PLEKHA5: variants seen among roughly 807,000 people sequenced by gnomAD.
PLEKHA5 encodes pleckstrin homology domain-containing family A member 5.
A neutral mutation model predicts 181.9 loss-of-function variants in PLEKHA5; 55 were observed. That is an observed-to-expected ratio of 0.30 (90% CI 0.24 to 0.38). The LOEUF (loss-of-function observed/expected upper bound fraction) is 0.38. PLEKHA5 is among the 10% of genes least tolerant of loss of function. The pLI, the probability that PLEKHA5 is intolerant of heterozygous loss-of-function variation, is 1.00. For synonymous variants in PLEKHA5, 535 were observed against 529.4 expected (o/e 1.01, Z -0.15); for missense variants, 1,432 against 1,549.5 (o/e 0.92, Z 1.27).
rs117083095 is a variant in PLEKHA5 at position 19,375,046 on chromosome 12, G to A, written c.*12-485G>A. On this transcript the variant is annotated intron_variant, in intron 31 of 31. Transcript: ENST00000429027. ...TTACATTATGTTTCCTTGTGGGGCC[G>A]GGTATAGTGGCTCATGCCTGTAATC... Among the ~76,000 whole-genome samples, 1,196 of 149,454 alleles carry A rather than the reference G, an allele frequency of 8.0e-3. 7 individuals carry two copies. Among genetic ancestry groups the A allele is most frequent in the Middle Eastern group, 0.036 (10 of 274 alleles).
chr12:19,153,561 A>C (rs1437886623), intron 3 of PLEKHA5: 1 of 152,148 alleles, frequency 6.6e-6, no homozygotes. Context: ...GACATCTTGC[A>C]CCACAGTGAT....
chr12:19,260,313 C>G (rs1332362007), intron 6 of PLEKHA5, among the ~76,000 whole-genome samples: 1 of 152,188 alleles, frequency 6.6e-6, no homozygotes, highest in Non-Finnish European at 1.5e-5. Flanking sequence ...AGAACACATG[C>G]ACTGCTGCAT....
intron 3 of PLEKHA5, among the ~76,000 whole-genome samples, chr12:19,217,455 T>C (rs1168144348): frequency 6.6e-6 from 1 of 152,190 alleles, no homozygotes; most frequent in African/African-American, 2.4e-5. Context: ...CATAAATGCT[T>C]AATAAATTTT....
At chr12:19,337,091 G>A (rs1320022640) in intron 21 of PLEKHA5, among the ~76,000 whole-genome samples, 3 of 147,914 alleles carry the variant, frequency 2.0e-5, no homozygotes, top group East Asian at 2.0e-4. Context: ...GGGTTCAAGC[G>A]ATTCTCCTGC....
At position 19,358,519 on chromosome 12, in the gene PLEKHA5, T is replaced by A. The variant is rs2153229782; in HGVS notation, c.3348+82T>A. ...GAATCAGAGTTACATGATTGATAGG[T>A]CTTAAAAGGTCTGCAGTATGGATAC... On this transcript the variant is annotated intron_variant, in intron 27 of 31. Coordinates refer to ENST00000429027, the MANE Select transcript of PLEKHA5 (RefSeq NM_001256470.2). 4 of 814,140 alleles carry A rather than the reference T, an allele frequency of 4.9e-6. No individual in the cohort carries two copies. The South Asian group carries it at 6.4e-5, about 13-fold the overall frequency. The allele number at this position is 814,140 out of a possible 1,614,324, so 50.4% of individuals were successfully genotyped here. A position where few individuals can be genotyped will look rare whatever the true frequency, so the allele number is the denominator to read the frequency against.
At chr12:19,131,537 AGAC>A (rs1406599988) in intron 2 of PLEKHA5, among the ~76,000 whole-genome samples, 1 of 152,232 alleles carries the variant, frequency 6.6e-6, no homozygotes, top group Non-Finnish European at 1.5e-5. Context: ...ATTTCATGAA[AGAC>A]GATATGACAT....
At chr12:19,297,648 A>T in intron 15 of PLEKHA5, among the ~76,000 whole-genome samples, 1 of 151,612 alleles carries the variant, frequency 6.6e-6, no homozygotes, top group East Asian at 1.9e-4. Flanking sequence ...AAAAAAAAAA[A>T]AATACAGTGC....
chr12:19,250,901 G>A (rs1407090355), intron 3 of PLEKHA5, among the ~76,000 whole-genome samples: 1 of 151,982 alleles, frequency 6.6e-6, no homozygotes, highest in Non-Finnish European at 1.5e-5. Flanking sequence ...GGGCTTGGGG[G>A]GAAAATGGAT....
At chr12:19,365,392 T>A (rs1041862878) in intron 29 of PLEKHA5, among the ~76,000 whole-genome samples, 1 of 151,808 alleles carries the variant, frequency 6.6e-6, no homozygotes, top group Non-Finnish European at 1.5e-5. Context: ...ATCTTATAAC[T>A]TTATAGAAAA....
At chr12:19,322,458 A>C in intron 19 of PLEKHA5, 60 bp from the exon 20 acceptor site, 1 of 1,581,414 alleles carries the variant, frequency 6.3e-7, no homozygotes, top group Non-Finnish European at 8.7e-7. Flanking sequence ...GACACTGATA[A>C]GTAAAAAGAA....
At chr12:19,293,360 G>C (rs1306844420) in intron 15 of PLEKHA5, among the ~76,000 whole-genome samples, 1 of 151,988 alleles carries the variant, frequency 6.6e-6, no homozygotes, top group Non-Finnish European at 1.5e-5. Context: ...ATTTTCATCA[G>C]CATTTTGGCC....
At chr12:19,241,520 G>A (rs940251384) in intron 3 of PLEKHA5, among the ~76,000 whole-genome samples, 1 of 152,214 alleles carries the variant, frequency 6.6e-6, no homozygotes, top group Non-Finnish European at 1.5e-5. Context: ...ACTATGGGAA[G>A]CCGAGGCGGG....
intron 15 of PLEKHA5, chr12:19,307,347 C>G: frequency 6.5e-6 from 2 of 308,258 alleles, no homozygotes; most frequent in Non-Finnish European, 1.2e-5. Context: ...TGGCGCATGC[C>G]TGTAATCCCA....
intron 3 of PLEKHA5, among the ~76,000 whole-genome samples, chr12:19,171,624 G>T (rs956620628): frequency 6.6e-6 from 1 of 152,076 alleles, no homozygotes; most frequent in Non-Finnish European, 1.5e-5. Context: ...CTCCCAGAGT[G>T]CTGGAATTAC....
intron 3 of PLEKHA5, among the ~76,000 whole-genome samples, chr12:19,178,937 T>C (rs1054279196): frequency 6.6e-6 from 1 of 152,218 alleles, no homozygotes; most frequent in African/African-American, 2.4e-5. Context: ...CTAGAAATCA[T>C]GTATGTCCTA....
At chr12:19,237,863 T>C (rs1411178626) in intron 3 of PLEKHA5, among the ~76,000 whole-genome samples, 1 of 151,982 alleles carries the variant, frequency 6.6e-6, no homozygotes, top group East Asian at 1.9e-4. Context: ...TTATGTTGGG[T>C]AAGCTTTTTC....
intron 3 of PLEKHA5, among the ~76,000 whole-genome samples, chr12:19,160,808 CATTTTAATATTAA>C (rs975698946): frequency 9.2e-5 from 14 of 151,932 alleles, no homozygotes; most frequent in Admixed American, 3.9e-4. Flanking sequence ...AGATTTTTGA[CATTTTAATATTAA>C]ATTTTAATTT....
intron 3 of PLEKHA5, among the ~76,000 whole-genome samples, chr12:19,172,280 G>A (rs376011870): frequency 6.6e-6 from 1 of 152,288 alleles, no homozygotes; most frequent in South Asian, 2.1e-4. Flanking sequence ...CCAGGTGGTA[G>A]GAATTTGTCC....
intron 3 of PLEKHA5, among the ~76,000 whole-genome samples, chr12:19,139,172 G>A (rs1224683056): frequency 6.6e-6 from 1 of 152,122 alleles, no homozygotes; most frequent in Non-Finnish European, 1.5e-5. Flanking sequence ...GAGCAAGGAG[G>A]TTGACAGAAA....
Sources: allele counts gnomAD v4.1 joint callset (sites outside exome capture counted in the v4.1 genomes callset), GRCh38; gene constraint gnomAD v4.1.1; transcripts MANE v1.5; gene names NCBI Gene and HGNC (gene_info 2026-07-23, HGNC 2026-07-21).